GREM2: variants seen among roughly 807,000 people sequenced by gnomAD.
GREM2 encodes the protein gremlin 2, DAN family BMP antagonist.
A neutral mutation model predicts 14.2 loss-of-function variants in GREM2; 11 were observed. That is an observed-to-expected ratio of 0.78 (90% CI 0.49 to 1.28). The LOEUF is 1.28. Ranked by LOEUF, GREM2 falls within the 50% of genes most tolerant of loss-of-function variation. GREM2 has a pLI of 0.00. For synonymous variants in GREM2, 98 were observed against 97.6 expected, an observed-to-expected ratio of 1.00 and a Z score of -0.02; for missense variants, 210 against 218.5, an observed-to-expected ratio of 0.96 and a Z score of 0.24.
intron 1 of GREM2, among the ~76,000 whole-genome samples, chr1:240,545,442 G>C (rs188531452): frequency 9.3e-6 from 1 of 107,586 alleles, no homozygotes; most frequent in African/African-American, 4.6e-5. Flanking sequence ...GTTTCCCTGA[G>C]TTCGGTGTGC....
chr1:240,607,374 A>T (rs1042587168), intron 1 of GREM2, among the ~76,000 whole-genome samples: 12 of 152,184 alleles, frequency 7.9e-5, no homozygotes, highest in African/African-American at 2.9e-4. Flanking sequence ...GGTCAAAAAA[A>T]GTCTTAATAC....
chr1:240,593,866 T>C (rs1679760643), intron 1 of GREM2, among the ~76,000 whole-genome samples: 1 of 151,996 alleles, frequency 6.6e-6, no homozygotes, highest in Non-Finnish European at 1.5e-5. Flanking sequence ...TGGCCTACCT[T>C]CTGCTTGCTA....
At chr1:240,510,657 G>A (rs1677803769) in intron 1 of GREM2, among the ~76,000 whole-genome samples, 1 of 152,132 alleles carries the variant, frequency 6.6e-6, no homozygotes, top group South Asian at 2.1e-4. Flanking sequence ...TAAAAGAAAT[G>A]AATTAGCAGA....
intron 1 of GREM2, among the ~76,000 whole-genome samples, chr1:240,526,048 TAAG>T (rs1678214883): frequency 6.6e-6 from 1 of 152,206 alleles, no homozygotes; most frequent in African/African-American, 2.4e-5. Context: ...ACTCCTGCTT[TAAG>T]GACTCACGTG....
chr1:240,570,321 G>T (rs1201903623), intron 1 of GREM2, among the ~76,000 whole-genome samples: 1 of 152,058 alleles, frequency 6.6e-6, no homozygotes, highest in Non-Finnish European at 1.5e-5. Flanking sequence ...AATTAGCCAG[G>T]CATGGTGGCG....
intron 1 of GREM2, among the ~76,000 whole-genome samples, chr1:240,510,369 CAAAAAAAAAAAAAAAAA>C (rs71170753): frequency 1.7e-5 from 1 of 59,540 alleles, no homozygotes; most frequent in Non-Finnish European, 3.0e-5. Flanking sequence ...GACTCCGTCG[CAAAAAAAAAAAAAAAAA>C]AAAAAAAAAA....
intron 1 of GREM2, among the ~76,000 whole-genome samples, chr1:240,501,647 G>T (rs1677570928): frequency 6.7e-6 from 1 of 149,536 alleles, no homozygotes; most frequent in Admixed American, 6.6e-5. Flanking sequence ...TACACAAGTG[G>T]GCTGCTTCTC....
intron 1 of GREM2, among the ~76,000 whole-genome samples, chr1:240,544,486 T>C (rs1678673874): frequency 6.6e-6 from 1 of 152,188 alleles, no homozygotes; most frequent in African/African-American, 2.4e-5. Flanking sequence ...GAGAATCTAC[T>C]GATTTTGGTA....
At chr1:240,532,087 A>G (rs1048957811) in intron 1 of GREM2, among the ~76,000 whole-genome samples, 1 of 151,354 alleles carries the variant, frequency 6.6e-6, no homozygotes, top group Admixed American at 6.6e-5. Flanking sequence ...TATTATTATT[A>G]TTATTTTAGA....
At chr1:240,521,318 C>T (rs1055688421) in intron 1 of GREM2, among the ~76,000 whole-genome samples, 7 of 152,158 alleles carry the variant, frequency 4.6e-5, no homozygotes, top group Non-Finnish European at 7.3e-5. Context: ...CCTGTAATCC[C>T]AGCACTTTAG....
intron 1 of GREM2, among the ~76,000 whole-genome samples, chr1:240,574,321 G>T (rs1352337502): frequency 6.6e-6 from 1 of 152,122 alleles, no homozygotes; most frequent in Admixed American, 6.6e-5. Flanking sequence ...ATGCAAAAAG[G>T]TATCATCTAA....
Position 240,492,236 on chromosome 1 carries a change from C to T in GREM2, c.*733G>A. The T allele has an allele frequency of 2.2e-6, 1 of 452,626 alleles. No homozygotes were observed. The highest frequency in any genetic ancestry group is 4.5e-6 in the Non-Finnish European group (1 of 224,426). 28.0% of individuals were successfully genotyped at this position (452,626 alleles called of 1,614,324 possible). ...CAATAATAGCATGCACACCAGAGTT[C>T]ATCTTTAGTCCACAAATAGGGGGCG... On this transcript the variant is annotated 3_prime_UTR_variant, in exon 2 of 2. Coordinates refer to ENST00000318160, the MANE Select transcript of GREM2 (RefSeq NM_022469.4).
intron 1 of GREM2, among the ~76,000 whole-genome samples, chr1:240,575,991 G>A (rs1390445022): frequency 6.6e-6 from 1 of 151,124 alleles, no homozygotes; most frequent in Non-Finnish European, 1.5e-5. Context: ...ACCCGAGAAA[G>A]AAAAGAAATG....
chr1:240,549,267 C>T (rs1281897267), intron 1 of GREM2, among the ~76,000 whole-genome samples: 6 of 150,158 alleles, frequency 4.0e-5, no homozygotes, highest in East Asian at 3.9e-4. Flanking sequence ...ACCTGGGAGG[C>T]GGAGGTTGCG....
intron 1 of GREM2, among the ~76,000 whole-genome samples, chr1:240,586,028 G>GAA (rs887096662): frequency 2.4e-5 from 3 of 127,288 alleles, no homozygotes; most frequent in African/African-American, 5.7e-5. Context: ...ACCCACGATA[G>GAA]AAAAAAAAAA....
intron 1 of GREM2, among the ~76,000 whole-genome samples, chr1:240,580,637 C>T (rs1459337166): frequency 6.6e-6 from 1 of 152,184 alleles, no homozygotes; most frequent in Non-Finnish European, 1.5e-5. Flanking sequence ...TGCAGTGGCA[C>T]AATCATAGCT....
rs1341194631 is a variant in GREM2 at position 240,492,936 on chromosome 1, G to A, written c.*33C>T. 1 of 1,408,752 alleles carries A rather than the reference G, an allele frequency of 7.1e-7. No individual in the cohort carries two copies. Among genetic ancestry groups the A allele is most frequent in the Non-Finnish European group, 9.3e-7 (1 of 1,080,426 alleles). The allele number at this position is 1,408,752 out of a possible 1,614,324, so 87.3% of individuals were successfully genotyped here. ...CGGCGGCGCCACCCAGCGGCCGGGCGCGCGCGGGGCTGAGCTGCGTCCGGC... is the reference window on the plus strand; with the variant it reads ...CGGCGGCGCCACCCAGCGGCCGGGCACGCGCGGGGCTGAGCTGCGTCCGGC... On this transcript the variant is annotated 3_prime_UTR_variant, in exon 2 of 2. Transcript: ENST00000318160.
At chr1:240,599,473 T>C (rs182162431) in intron 1 of GREM2, among the ~76,000 whole-genome samples, 17 of 152,246 alleles carry the variant, frequency 1.1e-4, no homozygotes, top group Admixed American at 1.3e-4. Context: ...GACTTTCCTC[T>C]GACAAACAGA....
chr1:240,511,377 A>G (rs1305051727), intron 1 of GREM2, among the ~76,000 whole-genome samples: 1 of 152,254 alleles, frequency 6.6e-6, no homozygotes, highest in Non-Finnish European at 1.5e-5. Context: ...ATTATAAGTA[A>G]TCTAGAGATG....
Sources: gnomAD v4.1 joint callset for allele counts (sites outside exome capture counted in the v4.1 genomes callset) on GRCh38, gnomAD v4.1.1 for gene constraint, MANE v1.5 for transcripts, NCBI Gene and HGNC (gene_info 2026-07-23, HGNC 2026-07-21) for gene names.